MYO5A: variants seen among roughly 807,000 people sequenced by gnomAD.
The protein encoded by MYO5A is myosin VA.
A neutral mutation model predicts 249.7 loss-of-function variants in MYO5A; 98 were observed. The ratio of observed to expected loss-of-function variants is 0.39; its 90% CI spans 0.33 to 0.46. MYO5A has a LOEUF of 0.46. MYO5A is among the 20% of genes least tolerant of loss of function. The pLI, the probability that MYO5A is intolerant of heterozygous loss-of-function variation, is 0.98. For synonymous variants in MYO5A, 778 were observed against 810.6 expected (o/e 0.96, Z 0.68); for missense variants, 1,696 against 2,308.8 (o/e 0.73, Z 5.44).
chr15:52,468,119 G>A (rs2076387672), intron 1 of MYO5A, among the ~76,000 whole-genome samples: 1 of 152,172 alleles, frequency 6.6e-6, no homozygotes, highest in Admixed American at 6.5e-5. Flanking sequence ...AGAAGCTGAG[G>A]CATGAGGATT....
chr15:52,338,698 A>G (rs1020405884), intron 32 of MYO5A, among the ~76,000 whole-genome samples: 2 of 152,220 alleles, frequency 1.3e-5, no homozygotes, highest in Non-Finnish European at 2.9e-5. Flanking sequence ...CTATTAGCTT[A>G]GAATATAGGG....
At position 52,364,556 on chromosome 15, in the gene MYO5A, C is replaced by T; in HGVS notation, c.3307G>A (p.Val1103Met). Residue 1103 changes from valine (V) to methionine (M), a missense_variant and splice_region_variant, in exon 24 of 42, where the codon GTG becomes ATG. Coordinates refer to ENST00000399233, the MANE Select transcript of MYO5A (RefSeq NM_001382347.1). ...DDLKEEMTLM[V>M]HVPKPGHKRT... ...AAAAACAAAAGTGTTTGACTCACCA[C>T]CATAAGGGTCATCTCTTCCTTGAGG... 1.2e-6 allele frequency: 2 copies of T among 1,613,354 alleles called. No individual in the cohort carries two copies. The highest frequency in any genetic ancestry group is 1.1e-5 in the South Asian group (1 of 90,926).
At chr15:52,444,748 G>T (rs1404799924) in intron 1 of MYO5A, among the ~76,000 whole-genome samples, 1 of 152,144 alleles carries the variant, frequency 6.6e-6, no homozygotes, top group Non-Finnish European at 1.5e-5. Flanking sequence ...TATTAAATAT[G>T]TACAGGCCTC....
chr15:52,515,376 G>A (rs2077476015), intron 1 of MYO5A, among the ~76,000 whole-genome samples: 1 of 152,114 alleles, frequency 6.6e-6, no homozygotes, highest in South Asian at 2.1e-4. Context: ...GGGGTGCAGG[G>A]GTGTGGGGGA....
chr15:52,345,427 A>G (rs1299314130), intron 30 of MYO5A, among the ~76,000 whole-genome samples: 2 of 151,998 alleles, frequency 1.3e-5, no homozygotes, highest in African/African-American at 4.8e-5. Context: ...ACTAAAAAAA[A>G]TACAAAAATT....
At position 52,435,801 on chromosome 15, in the gene MYO5A, C is replaced by T. The variant is rs1042715834; in HGVS notation, c.28-2516G>A. ...TTACAGACAAGTAGAGGCTAAAGCC[C>T]TCACACTCAGCAGAGGCAACATAAA... On this transcript the variant is annotated intron_variant, in intron 1 of 41. Coordinates refer to ENST00000399233, the MANE Select transcript of MYO5A (RefSeq NM_001382347.1). The T allele has an allele frequency of 2.6e-5, 9 of 352,814 alleles. No individual in the cohort carries two copies. The Admixed American group carries it at 2.7e-4, about 11-fold the overall frequency. The allele number at this position is 352,814 out of a possible 1,614,324, so 21.9% of individuals were successfully genotyped here.
At chr15:52,473,445 T>A (rs1424198162) in intron 1 of MYO5A, among the ~76,000 whole-genome samples, 1 of 152,224 alleles carries the variant, frequency 6.6e-6, no homozygotes, top group Non-Finnish European at 1.5e-5. Flanking sequence ...TTGCTTTTGG[T>A]GTTTTAGACG....
At chr15:52,376,029 G>A (rs1439378763) in intron 19 of MYO5A, among the ~76,000 whole-genome samples, 1 of 152,168 alleles carries the variant, frequency 6.6e-6, no homozygotes, top group Non-Finnish European at 1.5e-5. Flanking sequence ...ATACAATGAA[G>A]TCATTATTAC....
chr15:52,478,726 T>C lies in MYO5A; in HGVS notation c.28-45441A>G, dbSNP rs577102295. 5.3e-5 allele frequency among the ~76,000 whole-genome samples: 8 copies of C among 152,324 alleles called. No individual in the cohort carries two copies. The South Asian group carries it at 1.7e-3, about 32-fold the overall frequency. ...TGAAAAATACGTGAGAAGCGTGAGA[T>C]CACTTTTTGCTGTGATATGCAATGT... On this transcript the variant is annotated intron_variant, in intron 1 of 41. Coordinates refer to ENST00000399233, the MANE Select transcript of MYO5A (RefSeq NM_001382347.1).
intron 1 of MYO5A, among the ~76,000 whole-genome samples, chr15:52,527,793 G>T (rs2077753662): frequency 6.6e-6 from 1 of 152,192 alleles, no homozygotes; most frequent in Non-Finnish European, 1.5e-5. Flanking sequence ...TGGAAACAAT[G>T]ATTCCAGTGA....
Position 52,460,942 on chromosome 15 carries a change from G to C in MYO5A, c.28-27657C>G, listed in dbSNP as rs552577152. Among the ~76,000 whole-genome samples, 3 of 152,234 alleles carry C rather than the reference G, an allele frequency of 2.0e-5. No individual in the cohort carries two copies. The South Asian group carries it at 6.2e-4, about 32-fold the overall frequency. On this transcript the variant is annotated intron_variant, in intron 1 of 41. Transcript: ENST00000399233. ...AAGTGCTCACAATATATTTTTAAGT[G>C]AAAACAATATGTATTTTTGTTTGTT...
chr15:52,450,844 T>TTTTTTGTG, intron 1 of MYO5A, among the ~76,000 whole-genome samples: 1 of 14,302 alleles, frequency 7.0e-5, no homozygotes, highest in East Asian at 6.9e-4. Flanking sequence ...ACTACTGTGG[T>TTTTTTGTG]TTTTTTTTTT....
At chr15:52,417,214 GT>G (rs1300639285) in intron 4 of MYO5A, among the ~76,000 whole-genome samples, 83 of 152,292 alleles carry the variant, frequency 5.5e-4, no homozygotes, top group African/African-American at 1.9e-3. Context: ...GAATTCTTAT[GT>G]GTACAAATCT....
chr15:52,451,309 C>A (rs534132086), intron 1 of MYO5A, among the ~76,000 whole-genome samples: 1 of 152,160 alleles, frequency 6.6e-6, no homozygotes, highest in East Asian at 1.9e-4. Context: ...ATTTTGTCCC[C>A]CTCTCTCCAT....
intron 9 of MYO5A, among the ~76,000 whole-genome samples, chr15:52,398,109 A>T (rs917966719): frequency 4.6e-5 from 7 of 152,208 alleles, no homozygotes; most frequent in African/African-American, 1.7e-4. Flanking sequence ...TGAATGAGGG[A>T]GAAAATGTGA....
intron 1 of MYO5A, among the ~76,000 whole-genome samples, chr15:52,490,759 C>CTCACACAA (rs1302407460): frequency 3.9e-5 from 6 of 152,044 alleles, no homozygotes; most frequent in African/African-American, 1.4e-4. Flanking sequence ...CATTCTGTTG[C>CTCACACAA]CGAGGCTGGA....
chr15:52,422,140 T>C (rs2043822664), intron 4 of MYO5A, among the ~76,000 whole-genome samples: 1 of 152,168 alleles, frequency 6.6e-6, no homozygotes, highest in South Asian at 2.1e-4. Flanking sequence ...TGTTTCTCCA[T>C]GGTAAGTCAA....
chr15:52,346,502 C>A, intron 29 of MYO5A, 41 bp from the exon 30 acceptor site: 1 of 1,295,902 alleles, frequency 7.7e-7, no homozygotes, highest in Non-Finnish European at 1.1e-6. Context: ...AGATTCAACT[C>A]AAAAGCTTTG....
chr15:52,431,588 T>G (rs56039749), intron 2 of MYO5A, among the ~76,000 whole-genome samples: 22,356 of 151,764 alleles, frequency 0.15, 1,777 homozygotes, highest in Middle Eastern at 0.22. Context: ...GCTCAGATCT[T>G]GGCTGTCAAA....
Sources: gnomAD v4.1 joint callset for allele counts (sites outside exome capture counted in the v4.1 genomes callset) on GRCh38, gnomAD v4.1.1 for gene constraint, MANE v1.5 for transcripts, NCBI Gene and HGNC (gene_info 2026-07-23, HGNC 2026-07-21) for gene names.